The following MARCHF1 variants were observed in gnomAD, a reference collection of about 807,000 sequenced individuals.
The protein encoded by MARCHF1 is E3 ubiquitin-protein ligase MARCHF1.
In MARCHF1, 40 loss-of-function variants were observed where a neutral mutation model predicts 54.2. The ratio of observed to expected loss-of-function variants is 0.74; its 90% confidence interval spans 0.57 to 0.96. The LOEUF (loss-of-function observed/expected upper bound fraction) is 0.96, where lower values mean the gene tolerates loss of function less well. Among genes scored for constraint, MARCHF1 ranks in the 40% least tolerant of loss-of-function variants. The probability of loss-of-function intolerance (pLI) is 0.00; values close to 1 mark genes in which losing one functional copy is unlikely to be tolerated. For synonymous variants in MARCHF1, 236 were observed against 236.3 expected (o/e 1.00, Z 0.01); for missense variants, 586 against 656.5 (o/e 0.89, Z 1.17).
chr4:163,888,280 T>C (rs544037066), intron 3 of MARCHF1, among the ~76,000 whole-genome samples: 1 of 152,206 alleles, frequency 6.6e-6, no homozygotes, highest in African/African-American at 2.4e-5. Context: ...CATAAGTGAA[T>C]ATACTAAAGA....
intron 1 of MARCHF1, among the ~76,000 whole-genome samples, chr4:164,118,627 C>A (rs1387929419): frequency 6.6e-6 from 1 of 150,952 alleles, no homozygotes; most frequent in Non-Finnish European, 1.5e-5. Flanking sequence ...TCTTTTTTCA[C>A]AAAATAAAAT....
At chr4:164,332,677 T>C (rs919055580) in intron 1 of MARCHF1, among the ~76,000 whole-genome samples, 5 of 152,192 alleles carry the variant, frequency 3.3e-5, no homozygotes, top group Admixed American at 1.3e-4. Context: ...TTTAAGCACC[T>C]AGAACTCAAT....
At chr4:163,843,463 T>C (rs917502083) in intron 4 of MARCHF1, among the ~76,000 whole-genome samples, 1 of 152,178 alleles carries the variant, frequency 6.6e-6, no homozygotes, top group Non-Finnish European at 1.5e-5. Context: ...GTGGCTAAAC[T>C]AATGTAAGTT....
chr4:163,573,762 A>G (rs1416327501), intron 8 of MARCHF1, among the ~76,000 whole-genome samples: 3 of 152,048 alleles, frequency 2.0e-5, no homozygotes, highest in African/African-American at 7.2e-5. Context: ...GAATAGTGCC[A>G]CAATAAACAT....
chr4:164,208,604 A>C (rs1443132908), intron 1 of MARCHF1, among the ~76,000 whole-genome samples: 1 of 152,224 alleles, frequency 6.6e-6, no homozygotes, highest in African/African-American at 2.4e-5. Flanking sequence ...TGATCAAGCA[A>C]GAGAGAAAAG....
chr4:164,074,099 T>C (rs1187618306), intron 2 of MARCHF1, among the ~76,000 whole-genome samples: 1 of 152,212 alleles, frequency 6.6e-6, no homozygotes, highest in Admixed American at 6.5e-5. Flanking sequence ...CTAGGAACTT[T>C]CCATAAGTAT....
intron 1 of MARCHF1, among the ~76,000 whole-genome samples, chr4:164,213,877 CATCTTA>C (rs1731851198): frequency 6.6e-6 from 1 of 151,852 alleles, no homozygotes; most frequent in Non-Finnish European, 1.5e-5. Context: ...AAATAATCTT[CATCTTA>C]ATAAGAAATT....
At chr4:164,177,932 G>A (rs1312998510) in intron 1 of MARCHF1, among the ~76,000 whole-genome samples, 1 of 152,108 alleles carries the variant, frequency 6.6e-6, no homozygotes, top group Non-Finnish European at 1.5e-5. Flanking sequence ...TTTGGTCTGA[G>A]AGAGACAGTA....
At position 164,125,639 on chromosome 4, in the gene MARCHF1, G is replaced by A. The variant is rs192991436; in HGVS notation, c.-322-13977C>T. Among the ~76,000 whole-genome samples the A allele has an allele frequency of 2.4e-3, 367 of 152,234 alleles. 3 individuals are homozygous for A. Among genetic ancestry groups the A allele is most frequent in the Middle Eastern group, 0.01 (3 of 294 alleles). ...AACCTTATGATAAGCTCACATTTGC[G>A]TTGGATCTGCTATACCAGGGATTCC... On this transcript the variant is annotated intron_variant, in intron 1 of 9. Coordinates refer to ENST00000514618, the MANE Select transcript of MARCHF1 (RefSeq NM_001394959.1).
intron 4 of MARCHF1, among the ~76,000 whole-genome samples, chr4:163,836,734 C>T (rs1177512290): frequency 1.7e-5 from 2 of 118,216 alleles, no homozygotes; most frequent in Non-Finnish European, 3.6e-5. Flanking sequence ...GTAAGTGTGA[C>T]CCCCAATAAA....
chr4:164,023,039 C>T (rs139949894), intron 2 of MARCHF1, among the ~76,000 whole-genome samples: 13 of 152,198 alleles, frequency 8.5e-5, no homozygotes, highest in East Asian at 7.7e-4. Flanking sequence ...GCATGCAGCT[C>T]GGGAATATTG....
intron 4 of MARCHF1, among the ~76,000 whole-genome samples, chr4:163,733,195 A>ATATATATATATATATATACATGTG (rs1745904948): frequency 3.8e-5 from 1 of 26,352 alleles, no homozygotes; most frequent in African/African-American, 1.2e-4. Flanking sequence ...ATATATATAT[A>ATATATATATATATATATACATGTG]TATATATATA....
intron 4 of MARCHF1, among the ~76,000 whole-genome samples, chr4:163,760,988 G>A (rs10517787): frequency 0.08 from 12,157 of 151,988 alleles, 992 homozygotes; most frequent in East Asian, 0.28. Flanking sequence ...CATGGAAAAC[G>A]TTTAACAATA....
At chr4:164,143,110 G>T (rs1756593376) in intron 1 of MARCHF1, among the ~76,000 whole-genome samples, 1 of 145,048 alleles carries the variant, frequency 6.9e-6, no homozygotes, top group Non-Finnish European at 1.5e-5. Context: ...AGCGAGAAGG[G>T]AAGTTTAGAG....
At chr4:164,099,634 T>G (rs1187955099) in intron 2 of MARCHF1, among the ~76,000 whole-genome samples, 3 of 152,136 alleles carry the variant, frequency 2.0e-5, no homozygotes, top group Non-Finnish European at 2.9e-5. Flanking sequence ...GTGAATTCAT[T>G]AATGCGAATG....
At chr4:164,061,223 C>T (rs1754608562) in intron 2 of MARCHF1, among the ~76,000 whole-genome samples, 1 of 152,034 alleles carries the variant, frequency 6.6e-6, no homozygotes, top group South Asian at 2.1e-4. Context: ...GTAATTATTT[C>T]TATCAGTTCA....
chr4:164,064,993 A>G (rs1383860942), intron 2 of MARCHF1, among the ~76,000 whole-genome samples: 2 of 152,160 alleles, frequency 1.3e-5, no homozygotes, highest in African/African-American at 4.8e-5. Context: ...CATCCCAGGG[A>G]TAAAGCCAGC....
intron 2 of MARCHF1, among the ~76,000 whole-genome samples, chr4:164,051,829 G>C (rs1490272449): frequency 6.6e-6 from 1 of 152,144 alleles, no homozygotes; most frequent in Non-Finnish European, 1.5e-5. Flanking sequence ...AATAGATAGA[G>C]ATTTAACCGG....
At chr4:163,977,018 G>A (rs6536767) in intron 3 of MARCHF1, among the ~76,000 whole-genome samples, 79,550 of 151,714 alleles carry the variant, frequency 0.52, 22,328 homozygotes, top group Middle Eastern at 0.68. Context: ...CACAGAAATA[G>A]CAACTGAAAT....
Sources: gnomAD v4.1 joint callset for allele counts (sites outside exome capture counted in the v4.1 genomes callset) on GRCh38, gnomAD v4.1.1 for gene constraint, MANE v1.5 for transcripts, NCBI Gene and HGNC (gene_info 2026-07-23, HGNC 2026-07-21) for gene names.